The following RBFOX1 variants were observed in gnomAD, a reference collection of about 807,000 sequenced individuals.
The protein encoded by RBFOX1 is RNA binding fox-1 homolog 1.
RBFOX1 carries 8 observed loss-of-function variants against 57.7 expected under a neutral mutation model. The observed-to-expected ratio is 0.14, with a 90% CI of 0.08 to 0.25. The LOEUF (loss-of-function observed/expected upper bound fraction) is 0.25. RBFOX1 is among the 10% of genes least tolerant of loss of function. The pLI is 1.00. For missense variants in RBFOX1, 611 were observed against 548.5 expected (o/e 1.11, Z -1.14); for synonymous variants, 326 against 222.4 (o/e 1.47, Z -4.15).
intron 4 of RBFOX1, among the ~76,000 whole-genome samples, chr16:5,993,668 C>T (rs1001824663): frequency 2.6e-5 from 4 of 152,128 alleles, no homozygotes; most frequent in African/African-American, 9.7e-5. Context: ...CAAGATTACC[C>T]ATTTAGCTGC....
At chr16:5,285,496 C>T (rs979217172) in intron 1 of RBFOX1, among the ~76,000 whole-genome samples, 1 of 152,108 alleles carries the variant, frequency 6.6e-6, no homozygotes, top group Non-Finnish European at 1.5e-5. Context: ...AATTATTGTG[C>T]TTCTTTGGAG....
intron 3 of RBFOX1, among the ~76,000 whole-genome samples, chr16:6,992,519 A>G (rs1417003944): frequency 3.3e-5 from 5 of 151,988 alleles, no homozygotes; most frequent in Non-Finnish European, 4.4e-5. Context: ...CAGCCTAGCA[A>G]TTCCTTAAGT....
chr16:5,761,445 G>C (rs1291653670), intron 3 of RBFOX1, among the ~76,000 whole-genome samples: 1 of 152,148 alleles, frequency 6.6e-6, no homozygotes, highest in Admixed American at 6.5e-5. Context: ...CCCAATACTG[G>C]ATACTTTATA....
intron 2 of RBFOX1, among the ~76,000 whole-genome samples, chr16:6,639,258 T>G (rs1007258119): frequency 6.6e-6 from 1 of 152,234 alleles, no homozygotes; most frequent in Admixed American, 6.5e-5. Flanking sequence ...TGGAATCTGA[T>G]GTCTTTCTGT....
intron 3 of RBFOX1, among the ~76,000 whole-genome samples, chr16:6,770,238 A>G (rs757018949): frequency 3.0e-4 from 45 of 152,286 alleles, no homozygotes; most frequent in Non-Finnish European, 5.0e-4. Flanking sequence ...TCATCATAGG[A>G]AAGTACTTAC....
intron 1 of RBFOX1, among the ~76,000 whole-genome samples, chr16:6,168,259 C>T (rs1166636403): frequency 3.9e-5 from 6 of 152,178 alleles, no homozygotes; most frequent in Admixed American, 1.3e-4. Flanking sequence ...AAGAAGAAAT[C>T]GTGCATGGTG....
intron 3 of RBFOX1, among the ~76,000 whole-genome samples, chr16:6,819,521 T>C (rs1249800988): frequency 6.6e-6 from 1 of 151,828 alleles, no homozygotes; most frequent in Non-Finnish European, 1.5e-5. Flanking sequence ...CTGACCAGCA[T>C]GGAGAAAACC....
At chr16:5,641,675 G>T (rs2048880626) in intron 3 of RBFOX1, among the ~76,000 whole-genome samples, 1 of 152,236 alleles carries the variant, frequency 6.6e-6, no homozygotes, top group Non-Finnish European at 1.5e-5. Context: ...AGTGAGCTCA[G>T]CAGGGCAAAG....
chr16:7,047,716 C>CTTTTTTTTTTTTTTTTTTTTT (rs55636828), intron 3 of RBFOX1, among the ~76,000 whole-genome samples: 2 of 47,916 alleles, frequency 4.2e-5, no homozygotes, highest in Non-Finnish European at 4.7e-5. Context: ...TCCTGCATTT[C>CTTTTTTTTTTTTTTTTTTTTT]TTTTTTTTTT....
chr16:6,627,122 C>T (rs2098320925), intron 2 of RBFOX1, among the ~76,000 whole-genome samples: 1 of 152,158 alleles, frequency 6.6e-6, no homozygotes, highest in African/African-American at 2.4e-5. Context: ...ATTGTGCCTC[C>T]CAAAGCTGAA....
At chr16:5,454,907 T>TTCCTTCCTTCC in intron 1 of RBFOX1, among the ~76,000 whole-genome samples, 1 of 107,616 alleles carries the variant, frequency 9.3e-6, no homozygotes, top group South Asian at 3.2e-4. Flanking sequence ...TCTTTCTTTC[T>TTCCTTCCTTCC]TTCTTTCCTT....
intron 1 of RBFOX1, among the ~76,000 whole-genome samples, chr16:6,299,342 G>A (rs1052041348): frequency 6.6e-6 from 1 of 152,182 alleles, no homozygotes; most frequent in Non-Finnish European, 1.5e-5. Flanking sequence ...AGTTGAGCAG[G>A]CAGATCTAAT....
chr16:6,684,728 G>A (rs2059170383), intron 3 of RBFOX1, among the ~76,000 whole-genome samples: 1 of 152,188 alleles, frequency 6.6e-6, no homozygotes, highest in Admixed American at 6.5e-5. Flanking sequence ...TGAGGGCCTA[G>A]CCCCCTGTCG....
intron 2 of RBFOX1, among the ~76,000 whole-genome samples, chr16:5,512,730 T>C (rs2043647501): frequency 6.6e-6 from 1 of 152,230 alleles, no homozygotes; most frequent in African/African-American, 2.4e-5. Context: ...CTTATACTCT[T>C]GTGACACGTT....
At chr16:6,479,092 G>A (rs2095329536) in intron 2 of RBFOX1, among the ~76,000 whole-genome samples, 1 of 152,194 alleles carries the variant, frequency 6.6e-6, no homozygotes, top group Non-Finnish European at 1.5e-5. Flanking sequence ...ATGCCTGTGT[G>A]TGTGTGTGTT....
chr16:6,581,773 T>C (rs1315064733), intron 2 of RBFOX1, among the ~76,000 whole-genome samples: 1 of 152,200 alleles, frequency 6.6e-6, no homozygotes, highest in African/African-American at 2.4e-5. Flanking sequence ...TACTGGGAAC[T>C]CTCAAACTTT....
At chr16:6,949,237 G>A (rs2080197336) in intron 3 of RBFOX1, among the ~76,000 whole-genome samples, 1 of 151,940 alleles carries the variant, frequency 6.6e-6, no homozygotes, top group Non-Finnish European at 1.5e-5. Context: ...CCTATAAAAA[G>A]CACCTTCATC....
chr16:6,916,759 AC>A (rs2073268118), intron 3 of RBFOX1, among the ~76,000 whole-genome samples: 2 of 151,792 alleles, frequency 1.3e-5, no homozygotes, highest in Non-Finnish European at 2.9e-5. Flanking sequence ...TTTTTCTACC[AC>A]CCACTTAAAC....
At chr16:6,579,706 T>G (rs777391916) in intron 2 of RBFOX1, among the ~76,000 whole-genome samples, 3 of 152,110 alleles carry the variant, frequency 2.0e-5, no homozygotes, top group Non-Finnish European at 4.4e-5. Flanking sequence ...AAGTCTCAGG[T>G]ATATCTTTAG....
Sources: allele counts gnomAD v4.1 joint callset (sites outside exome capture counted in the v4.1 genomes callset), GRCh38; gene constraint gnomAD v4.1.1; transcripts MANE v1.5; gene names NCBI Gene and HGNC (gene_info 2026-07-23, HGNC 2026-07-21).